The following MYOT variants were observed in gnomAD, a reference collection of about 807,000 sequenced individuals.
MYOT encodes the protein myotilin.
In MYOT, 36 loss-of-function variants were observed where a neutral mutation model predicts 58.0. The ratio of observed to expected loss-of-function variants is 0.62; its 90% CI spans 0.48 to 0.82. MYOT has a LOEUF of 0.82. MYOT is among the 40% of genes least tolerant of loss of function. The pLI is 0.00. For missense variants in MYOT, 505 were observed against 592.1 expected, an observed-to-expected ratio of 0.85 and a Z score of 1.53; for synonymous variants, 218 against 204.6, an observed-to-expected ratio of 1.07 and a Z score of -0.56.
chr5:137,876,902 C>T (rs1037058747), intron 3 of MYOT, among the ~76,000 whole-genome samples: 5 of 151,896 alleles, frequency 3.3e-5, no homozygotes, highest in Admixed American at 2.6e-4. Flanking sequence ...TGCAGAACAA[C>T]GGAGGAAAGG....
chr5:137,881,961 A>G lies in MYOT; in HGVS notation c.684-12A>G. On this transcript the variant is annotated splice_polypyrimidine_tract_variant and intron_variant, in intron 5 of 9. Transcript: ENST00000239926. The stretch of plus-strand genomic sequence containing the variant: ...ATATTTACGCATAGTTGTTACCAAA[A>G]TATTCTTGTAGAAGTAGATCAACCT... 1 of 1,613,562 alleles carries G rather than the reference A, an allele frequency of 6.2e-7. No individual in the cohort carries two copies. The highest frequency in any genetic ancestry group is 8.5e-7 in the Non-Finnish European group (1 of 1,179,412).
At chr5:137,873,546 C>CAA (rs999214447) in intron 2 of MYOT, among the ~76,000 whole-genome samples, 1 of 124,932 alleles carries the variant, frequency 8.0e-6, no homozygotes, top group African/African-American at 3.0e-5. Flanking sequence ...AACTCCGTCT[C>CAA]AAAAAAAAAA....
intron 2 of MYOT, among the ~76,000 whole-genome samples, chr5:137,875,136 A>T (rs538225660): frequency 2.0e-5 from 3 of 152,356 alleles, no homozygotes; most frequent in African/African-American, 4.8e-5. Context: ...CCCATAAATC[A>T]AACAAGAAAT....
intron 2 of MYOT, among the ~76,000 whole-genome samples, chr5:137,873,878 T>C (rs1299738113): frequency 6.6e-6 from 1 of 152,206 alleles, no homozygotes; most frequent in Non-Finnish European, 1.5e-5. Context: ...ATATAAATGA[T>C]ATAATGATAA....
Position 137,886,063 on chromosome 5 carries a change from G to T in MYOT, c.1040G>T (p.Arg347Ile), listed in dbSNP as rs1172042947. 2 of 1,596,484 alleles carry T rather than the reference G, an allele frequency of 1.3e-6. No homozygotes were observed. Among genetic ancestry groups the T allele is most frequent in the South Asian group, 2.2e-5 (2 of 90,104 alleles). The change falls in exon 8 of 10, where the codon AGA (arginine) becomes ATA (isoleucine). Residue 347 changes from arginine to isoleucine, a missense_variant. Physicochemically the swap from Arg to Ile is moderately conservative, Grantham distance 97 (BLOSUM62 -3). Coordinates refer to ENST00000239926, the MANE Select transcript of MYOT (RefSeq NM_006790.3). The stretch of plus-strand genomic sequence containing the variant: ...TAATATATAGCAAAAGAACATAAAA[G>T]AGCACCAATGTTTATCTACAAACCA... ...QLDVLAKEHKRAPMFIYKPQS... is the reference protein window; with the variant it reads ...QLDVLAKEHKIAPMFIYKPQS...
At chr5:137,874,470 A>T (rs544326700) in intron 2 of MYOT, among the ~76,000 whole-genome samples, 1 of 152,216 alleles carries the variant, frequency 6.6e-6, no homozygotes, top group African/African-American at 2.4e-5. Flanking sequence ...CCATCTCAAA[A>T]AAATAAATAA....
intron 3 of MYOT, 82 bp downstream of exon 3, chr5:137,876,085 C>A (rs1051813157): frequency 2.2e-6 from 3 of 1,394,438 alleles, no homozygotes; most frequent in Admixed American, 1.7e-5. Flanking sequence ...GCTCACAGAT[C>A]TAGGTCCATA....
At chr5:137,876,636 C>T (rs188255745) in intron 3 of MYOT, among the ~76,000 whole-genome samples, 331 of 152,186 alleles carry the variant, frequency 2.2e-3, no homozygotes, top group Admixed American at 3.9e-3. Flanking sequence ...GAAACTCCAT[C>T]TCTACTAAAA....
In MYOT at chr5:137,870,288, G is replaced by GAC. The variant is rs35301804; in HGVS notation, c.-211-115_-211-114dup. On this transcript the variant is annotated intron_variant, in intron 1 of 9. Coordinates refer to ENST00000239926, the MANE Select transcript of MYOT (RefSeq NM_006790.3). ...TATGTTCGCCTGGGCGATTAAGCAA[G>GAC]ACACACACACACACACACACACACA... Among the ~76,000 whole-genome samples the GAC allele has an allele frequency of 0.48, 61,095 of 126,756 alleles. 15,145 individuals are homozygous for GAC. The highest frequency in any genetic ancestry group is 0.55 in the Non-Finnish European group (33,201 of 60,694). The allele number at this position is 126,756 out of a possible 152,430, so 83.2% of individuals were successfully genotyped here. A position where few individuals can be genotyped will look rare whatever the true frequency, so the allele number is the denominator to read the frequency against.
intron 3 of MYOT, among the ~76,000 whole-genome samples, chr5:137,876,971 T>C (rs960642805): frequency 6.6e-6 from 1 of 151,144 alleles, no homozygotes; most frequent in Non-Finnish European, 1.5e-5. Flanking sequence ...TTGCCTGTCA[T>C]AGGAGCAAAA....
intron 1 of MYOT, 68 bp downstream of exon 1, chr5:137,868,021 G>C (rs1255517121): frequency 6.6e-6 from 1 of 152,110 alleles, no homozygotes. Flanking sequence ...AATCAGATGA[G>C]TGTATACAAA....
intron 3 of MYOT, chr5:137,876,296 G>A: frequency 2.6e-6 from 1 of 389,758 alleles, no homozygotes. Context: ...TAGCTATTAG[G>A]AATTACTGTC....
chr5:137,886,067 A>G lies in MYOT; in HGVS notation c.1044A>G (p.Ala348=), dbSNP rs1755591678. 1.9e-6 allele frequency: 3 copies of G among 1,599,448 alleles called. No homozygotes were observed. Among genetic ancestry groups the G allele is most frequent in the South Asian group, 2.2e-5 (2 of 90,390 alleles). The change falls in exon 8 of 10, where the codon GCA becomes GCG. Residue 348 remains alanine (A), a synonymous_variant. Transcript: ENST00000239926. The part of the protein sequence containing the change: ...LDVLAKEHKR[A]PMFIYKPQSK... ...ATATAGCAAAAGAACATAAAAGAGC[A>G]CCAATGTTTATCTACAAACCACAGA...
chr5:137,887,083 T>A, intron 9 of MYOT, 86 bp downstream of exon 9: 13 of 1,553,602 alleles, frequency 8.4e-6, no homozygotes, highest in Non-Finnish European at 1.2e-5. Context: ...GAGTATAAAA[T>A]TTGAGATATT....
At chr5:137,879,688 CTTT>C (rs1187720466) in intron 4 of MYOT, among the ~76,000 whole-genome samples, 5 of 94,508 alleles carry the variant, frequency 5.3e-5, no homozygotes, top group African/African-American at 1.4e-4. Flanking sequence ...CCACACCCGG[CTTT>C]TTTTTTTTTT....
Position 137,882,069 on chromosome 5 carries a change from G to A in MYOT, c.780G>A (p.Ser260=), listed in dbSNP as rs116773838. The stretch of plus-strand genomic sequence containing the variant: ...TCATTCAAGTGCCAGAGAACATGTC[G>A]ATTGATGAAGGAAGATTCTGCAGAA... ...PRFIQVPENM[S]IDEGRFCRMD... The change falls in exon 6 of 10, where the codon TCG becomes TCA. Residue 260 remains serine (S), a synonymous_variant. Coordinates refer to ENST00000239926, the MANE Select transcript of MYOT (RefSeq NM_006790.3). 2.8e-3 allele frequency: 4,514 copies of A among 1,614,132 alleles called. 112 individuals carry two copies. The African/African-American group carries it at 0.053, about 19-fold the overall frequency.
chr5:137,875,773 T>C (rs1403023219), intron 2 of MYOT, 56 bp from the exon 3 acceptor site: 2 of 1,568,590 alleles, frequency 1.3e-6, no homozygotes, highest in East Asian at 2.2e-5. Context: ...AAAGGTAATT[T>C]GCAAAATGAG....
At chr5:137,881,901 T>G (rs1755444125) in intron 5 of MYOT, 72 bp from the exon 6 acceptor site, 2 of 1,562,918 alleles carry the variant, frequency 1.3e-6, no homozygotes, top group Non-Finnish European at 1.8e-6. Context: ...AATTGATGGC[T>G]AAACTATATT....
intron 2 of MYOT, among the ~76,000 whole-genome samples, chr5:137,872,875 C>T (rs944687691): frequency 7.9e-5 from 12 of 152,174 alleles, no homozygotes; most frequent in Non-Finnish European, 1.8e-4. Flanking sequence ...ACTTTACCTA[C>T]CCAGTGCTTC....
Sources: gnomAD v4.1 joint callset for allele counts (sites outside exome capture counted in the v4.1 genomes callset) on GRCh38, gnomAD v4.1.1 for gene constraint, MANE v1.5 for transcripts, NCBI Gene and HGNC (gene_info 2026-07-23, HGNC 2026-07-21) for gene names.